Variants in RBFOX1 observed in about 807,000 individuals in gnomAD.
RBFOX1 encodes the protein RNA binding fox-1 homolog 1.
A neutral mutation model predicts 57.7 loss-of-function variants in RBFOX1; 8 were observed. The observed-to-expected ratio is 0.14, with a 90% CI of 0.08 to 0.25. RBFOX1 has a LOEUF of 0.25. Among genes scored for constraint, RBFOX1 ranks in the 10% least tolerant of loss-of-function variants. The probability of loss-of-function intolerance (pLI) is 1.00; values close to 1 mark genes in which losing one functional copy is unlikely to be tolerated. For missense variants in RBFOX1, 611 were observed against 548.5 expected (o/e 1.11, Z -1.14); for synonymous variants, 326 against 222.4 (o/e 1.47, Z -4.15).
At chr16:6,367,278 G>GTTTTA (rs2089785907) in intron 2 of RBFOX1, among the ~76,000 whole-genome samples, 1 of 151,742 alleles carries the variant, frequency 6.6e-6, no homozygotes, top group Non-Finnish European at 1.5e-5. Context: ...GTTTTGTTTT[G>GTTTTA]TTTTGTTTTT....
intron 1 of RBFOX1, among the ~76,000 whole-genome samples, chr16:5,320,065 G>A (rs928005645): frequency 1.3e-5 from 2 of 152,196 alleles, no homozygotes; most frequent in Admixed American, 1.3e-4. Flanking sequence ...AGCAAGTGGG[G>A]TTTGGCAAAC....
At chr16:7,452,450 G>A (rs2057547711) in intron 4 of RBFOX1, among the ~76,000 whole-genome samples, 3 of 152,194 alleles carry the variant, frequency 2.0e-5, no homozygotes, top group African/African-American at 7.2e-5. Flanking sequence ...TGGTTTTCTG[G>A]CATTGGGTTG....
intron 3 of RBFOX1, among the ~76,000 whole-genome samples, chr16:6,959,013 C>A (rs1361371704): frequency 6.6e-6 from 1 of 152,072 alleles, no homozygotes; most frequent in Admixed American, 6.6e-5. Context: ...GAATATTAAT[C>A]ATAATGGACA....
chr16:5,956,881 G>T (rs2059654921), intron 4 of RBFOX1, among the ~76,000 whole-genome samples: 4 of 150,300 alleles, frequency 2.7e-5, no homozygotes, highest in Admixed American at 2.7e-4. Context: ...ATTTTGGCCA[G>T]GCTGCTTGGT....
At chr16:7,650,313 C>CTTT (rs35693712) in intron 11 of RBFOX1, among the ~76,000 whole-genome samples, 6 of 138,918 alleles carry the variant, frequency 4.3e-5, no homozygotes, top group Admixed American at 2.9e-4. Flanking sequence ...GTGGAACTCT[C>CTTT]TTTTTTTTTT....
At chr16:5,383,286 A>G (rs1259962797) in intron 1 of RBFOX1, among the ~76,000 whole-genome samples, 1 of 152,154 alleles carries the variant, frequency 6.6e-6, no homozygotes, top group Non-Finnish European at 1.5e-5. Flanking sequence ...GGTGTGGGGA[A>G]AAGGTGGGCT....
chr16:5,942,105 C>T (rs942861326), intron 4 of RBFOX1, among the ~76,000 whole-genome samples: 1 of 152,062 alleles, frequency 6.6e-6, no homozygotes, highest in Non-Finnish European at 1.5e-5. Flanking sequence ...TTCTTCTTGC[C>T]TGATGCCCAG....
At chr16:7,368,999 C>T (rs1022893981) in intron 4 of RBFOX1, among the ~76,000 whole-genome samples, 3 of 151,850 alleles carry the variant, frequency 2.0e-5, no homozygotes, top group Non-Finnish European at 4.4e-5. Context: ...GCAAGAAGTG[C>T]TAGATGATCC....
At position 7,625,386 on chromosome 16, in the gene RBFOX1, A is replaced by G. The variant is rs182856172; in HGVS notation, c.677-5217A>G. On this transcript the variant is annotated intron_variant, in intron 10 of 15. Transcript: ENST00000550418. ...TGGGGGTGGTTTCTTATTACAGGAA[A>G]ATTTCCACCTAGAACCTTTACCCTT... Among the ~76,000 whole-genome samples, 311 of 152,254 alleles carry G rather than the reference A, an allele frequency of 2.0e-3. 1 individual carries two copies. Among genetic ancestry groups the G allele is most frequent in the African/African-American group, 7.2e-3 (298 of 41,558 alleles).
intron 3 of RBFOX1, among the ~76,000 whole-genome samples, chr16:5,722,448 C>T (rs2051970223): frequency 6.6e-6 from 1 of 152,174 alleles, no homozygotes; most frequent in South Asian, 2.1e-4. Context: ...CACACATTTG[C>T]TGTAGAGAAA....
chr16:5,933,957 C>T (rs1226813152), intron 4 of RBFOX1, among the ~76,000 whole-genome samples: 1 of 152,160 alleles, frequency 6.6e-6, no homozygotes, highest in Non-Finnish European at 1.5e-5. Flanking sequence ...ACCCTCCACC[C>T]TCAAGTAGGC....
rs548245707 is a variant in RBFOX1, at chr16:5,486,790, T to C, written c.258+19536T>C. Among the ~76,000 whole-genome samples the C allele has an allele frequency of 4.5e-5, 6 of 133,000 alleles. No homozygotes were observed. The East Asian group carries it at 1.2e-3, about 27-fold the overall frequency. 87.3% of individuals were successfully genotyped at this position (133,000 alleles called of 152,430 possible). On this transcript the variant is annotated intron_variant, in intron 2 of 2. Coordinates refer to the RBFOX1 transcript ENST00000585867. The stretch of plus-strand genomic sequence containing the variant: ...GAGCATTCACTGATAAAACTCAGTG[T>C]TTTTTTTTTTCTTTTAACTTAAATT...
intron 2 of RBFOX1, among the ~76,000 whole-genome samples, chr16:6,591,122 A>G (rs2153988140): frequency 6.6e-6 from 1 of 152,312 alleles, no homozygotes; most frequent in South Asian, 2.1e-4. Context: ...GAGTTCGCAC[A>G]CTGTGTATTA....
chr16:6,749,233 T>G (rs2074414571), intron 3 of RBFOX1, among the ~76,000 whole-genome samples: 1 of 152,170 alleles, frequency 6.6e-6, no homozygotes, highest in South Asian at 2.1e-4. Flanking sequence ...TTTTGGCAAG[T>G]TGTCTGTCCC....
At chr16:7,267,928 A>C (rs977750359) in intron 4 of RBFOX1, among the ~76,000 whole-genome samples, 9 of 152,210 alleles carry the variant, frequency 5.9e-5, no homozygotes, top group Non-Finnish European at 1.2e-4. Context: ...GTCATGCAGC[A>C]CTTAATGGCA....
intron 3 of RBFOX1, among the ~76,000 whole-genome samples, chr16:6,948,966 G>C (rs1024094156): frequency 2.0e-5 from 3 of 152,072 alleles, no homozygotes; most frequent in Admixed American, 6.6e-5. Flanking sequence ...GGTTGCTGTA[G>C]AATGGGATAG....
chr16:5,847,009 C>T (rs2056773934), intron 3 of RBFOX1, among the ~76,000 whole-genome samples: 1 of 152,086 alleles, frequency 6.6e-6, no homozygotes, highest in Non-Finnish European at 1.5e-5. Context: ...AGCTAGATCC[C>T]AAGAGGAGGG....
intron 4 of RBFOX1, among the ~76,000 whole-genome samples, chr16:5,987,116 G>T (rs919409112): frequency 6.6e-6 from 1 of 152,174 alleles, no homozygotes; most frequent in Non-Finnish European, 1.5e-5. Flanking sequence ...TTCATTCCCT[G>T]ATGGCTAATG....
chr16:5,853,154 C>T (rs1387421156), intron 3 of RBFOX1, among the ~76,000 whole-genome samples: 1 of 151,962 alleles, frequency 6.6e-6, no homozygotes, highest in Non-Finnish European at 1.5e-5. Context: ...TGAATAGGGG[C>T]AGAGCAAGGA....
Sources: allele counts gnomAD v4.1 joint callset (sites outside exome capture counted in the v4.1 genomes callset), GRCh38; gene constraint gnomAD v4.1.1; transcripts MANE v1.5; gene names NCBI Gene and HGNC (gene_info 2026-07-23, HGNC 2026-07-21).